Variants in RTF2 observed in about 807,000 individuals in gnomAD.
RTF2 encodes UPF0549 protein C20orf43.
Under a neutral mutation model 38.0 loss-of-function variants are expected in RTF2, and 18 were observed. The observed-to-expected ratio is 0.47, with a 90% CI of 0.33 to 0.70. RTF2 has a LOEUF of 0.70. Ranked by LOEUF, RTF2 falls within the 30% of genes least tolerant of loss-of-function variation. RTF2 has a pLI of 0.02. For synonymous variants in RTF2, 126 were observed against 137.1 expected, an observed-to-expected ratio of 0.92 and a Z score of 0.57; for missense variants, 311 against 379.6, an observed-to-expected ratio of 0.82 and a Z score of 1.50.
In RTF2 at chr20:56,493,331, AAT is replaced by A. The variant is rs570364237; in HGVS notation, c.477+9143_477+9144del. On this transcript the variant is annotated intron_variant, in intron 5 of 8. Transcript: ENST00000357348. Reference sequence around the variant, plus strand: ...AGACATATTTGCTACAATGTGCTAGAATCTCAGTAGAGTTACATTTAACTACT... The same window carrying A: ...AGACATATTTGCTACAATGTGCTAGACTCAGTAGAGTTACATTTAACTACT... 1.4e-4 allele frequency among the ~76,000 whole-genome samples: 22 copies of A among 152,318 alleles called. No homozygotes were observed. The South Asian group carries it at 4.3e-3, about 30-fold the overall frequency.
At chr20:56,491,104 C>T (rs904082070) in intron 5 of RTF2, among the ~76,000 whole-genome samples, 2 of 152,198 alleles carry the variant, frequency 1.3e-5, no homozygotes, top group Admixed American at 6.5e-5. Flanking sequence ...TTTCTAGGAC[C>T]GCCAGAATAG....
intron 5 of RTF2, among the ~76,000 whole-genome samples, chr20:56,499,621 C>T (rs1020147105): frequency 7.2e-5 from 11 of 152,050 alleles, no homozygotes; most frequent in African/African-American, 2.2e-4. Flanking sequence ...TACTACTTCT[C>T]CTATAAGAAT....
intron 5 of RTF2, among the ~76,000 whole-genome samples, chr20:56,508,447 G>T (rs1423080098): frequency 6.6e-6 from 1 of 152,082 alleles, no homozygotes; most frequent in Non-Finnish European, 1.5e-5. Flanking sequence ...TTATTTGGTT[G>T]CCTGCCTTTA....
At chr20:56,505,144 G>A (rs1984183443) in intron 5 of RTF2, among the ~76,000 whole-genome samples, 2 of 152,150 alleles carry the variant, frequency 1.3e-5, no homozygotes, top group South Asian at 2.1e-4. Flanking sequence ...TTGCCAGCTT[G>A]TGAGGTCTTG....
At chr20:56,508,576 T>A (rs1984429534) in intron 5 of RTF2, among the ~76,000 whole-genome samples, 1 of 152,198 alleles carries the variant, frequency 6.6e-6, no homozygotes, top group African/African-American at 2.4e-5. Context: ...TCATAGATAT[T>A]AGAAAGATAA....
intron 5 of RTF2, among the ~76,000 whole-genome samples, chr20:56,493,582 G>A (rs1004338423): frequency 5.3e-5 from 8 of 149,818 alleles, no homozygotes; most frequent in Non-Finnish European, 7.4e-5. Flanking sequence ...CTTGAGCCCA[G>A]AAAGTGGAGG....
intron 4 of RTF2, 152 bp downstream of exon 4, chr20:56,477,276 A>AG: frequency 1.2e-6 from 1 of 811,276 alleles, no homozygotes; most frequent in Non-Finnish European, 1.9e-6. Flanking sequence ...CTTGGTCATG[A>AG]GCACGTTCAT....
chr20:56,480,168 A>G (rs1487741612), intron 4 of RTF2, among the ~76,000 whole-genome samples: 1 of 152,212 alleles, frequency 6.6e-6, no homozygotes, highest in Non-Finnish European at 1.5e-5. Flanking sequence ...TAGTGTACCC[A>G]TCTTTATTAA....
chr20:56,491,624 T>C, intron 5 of RTF2: 1 of 1,551,936 alleles, frequency 6.4e-7, no homozygotes, highest in Non-Finnish European at 8.7e-7. Flanking sequence ...TATAGGAACT[T>C]CTGCCTGCCT....
intron 4 of RTF2, among the ~76,000 whole-genome samples, chr20:56,481,206 A>C (rs1982509320): frequency 6.6e-6 from 1 of 152,218 alleles, no homozygotes; most frequent in Admixed American, 6.5e-5. Context: ...GGTGGGGCAA[A>C]GCATCTCGAG....
At chr20:56,478,462 A>C (rs1195587416) in intron 4 of RTF2, among the ~76,000 whole-genome samples, 1 of 152,202 alleles carries the variant, frequency 6.6e-6, no homozygotes, top group African/African-American at 2.4e-5. Context: ...GCCACTGCAG[A>C]GCCTGGGTGA....
intron 5 of RTF2, among the ~76,000 whole-genome samples, chr20:56,488,519 A>T (rs750098655): frequency 3.3e-5 from 5 of 152,164 alleles, no homozygotes; most frequent in Non-Finnish European, 7.4e-5. Context: ...CACACTGTCT[A>T]CCTGCTTTTC....
At chr20:56,508,796 G>A (rs945366939) in intron 5 of RTF2, among the ~76,000 whole-genome samples, 1 of 152,218 alleles carries the variant, frequency 6.6e-6, no homozygotes, top group South Asian at 2.1e-4. Context: ...TCAACAAATA[G>A]TGTGGGGTAA....
intron 6 of RTF2, chr20:56,514,239 A>G (rs1459866754): frequency 1.3e-5 from 2 of 152,218 alleles, no homozygotes; most frequent in Non-Finnish European, 2.9e-5. Flanking sequence ...GCATCCACCA[A>G]GAGTTCTTCC....
chr20:56,484,923 C>G (rs1212821101), intron 5 of RTF2, among the ~76,000 whole-genome samples: 2 of 152,094 alleles, frequency 1.3e-5, no homozygotes, highest in African/African-American at 4.8e-5. Context: ...TATTTCATTC[C>G]CCTCCCCACT....
intron 6 of RTF2, among the ~76,000 whole-genome samples, chr20:56,514,588 C>A (rs1278545327): frequency 1.3e-5 from 2 of 151,996 alleles, no homozygotes; most frequent in African/African-American, 4.8e-5. Context: ...AAAATCATAA[C>A]AAGACAGGAC....
chr20:56,500,471 C>G (rs990580181), intron 5 of RTF2, among the ~76,000 whole-genome samples: 1 of 152,174 alleles, frequency 6.6e-6, no homozygotes, highest in African/African-American at 2.4e-5. Flanking sequence ...GCGCCGAGCC[C>G]AGGAGATTGG....
chr20:56,477,153 T>C, intron 4 of RTF2, 29 bp downstream of exon 4: 1 of 1,609,454 alleles, frequency 6.2e-7, no homozygotes, highest in Non-Finnish European at 8.5e-7. Flanking sequence ...ACAGATGATG[T>C]GGGAGGCTGG....
chr20:56,506,565 T>C (rs915128997), intron 5 of RTF2, among the ~76,000 whole-genome samples: 19 of 152,216 alleles, frequency 1.2e-4, no homozygotes, highest in African/African-American at 3.6e-4. Flanking sequence ...TTTTTAAAAA[T>C]ACTTTAAAAA....
Sources: allele counts gnomAD v4.1 joint callset (sites outside exome capture counted in the v4.1 genomes callset), GRCh38; gene constraint gnomAD v4.1.1; transcripts MANE v1.5; gene names NCBI Gene and HGNC (gene_info 2026-07-23, HGNC 2026-07-21).